The following CFAP54 variants were observed in gnomAD, a reference collection of about 807,000 sequenced individuals.
CFAP54 encodes cilia- and flagella-associated protein 54.
A neutral mutation model predicts 370.4 loss-of-function variants in CFAP54; 290 were observed. The observed-to-expected ratio is 0.78, with a 90% CI of 0.71 to 0.86. The LOEUF (loss-of-function observed/expected upper bound fraction) is 0.86, where lower values mean the gene tolerates loss of function less well. Among genes scored for constraint, CFAP54 ranks in the 40% least tolerant of loss-of-function variants. CFAP54 has a pLI of 0.00. For synonymous variants in CFAP54, 1,206 were observed against 1,236.5 expected (o/e 0.98, Z 0.52); for missense variants, 3,399 against 3,528.7 (o/e 0.96, Z 0.93).
chr12:96,555,570 T>C (rs1012594762), intron 17 of CFAP54, among the ~76,000 whole-genome samples: 2 of 148,456 alleles, frequency 1.3e-5, no homozygotes, highest in Admixed American at 1.3e-4. Flanking sequence ...ATACATAATA[T>C]ATAATATGTA....
chr12:96,739,842 G>C, intron 50 of CFAP54, 114 bp from the exon 51 acceptor site: 2 of 615,340 alleles, frequency 3.3e-6, no homozygotes, highest in South Asian at 2.1e-5. Context: ...TAACAGTTTT[G>C]GGGGTTGTTG....
intron 1 of CFAP54, among the ~76,000 whole-genome samples, chr12:96,492,840 A>G (rs567783569): frequency 5.1e-4 from 78 of 152,254 alleles, no homozygotes; most frequent in Non-Finnish European, 1.1e-3. Flanking sequence ...TAAAAAATAC[A>G]AAAATTAGCC....
intron 63 of CFAP54, among the ~76,000 whole-genome samples, chr12:96,806,213 T>TATATATA (rs1392329026): frequency 8.0e-5 from 4 of 49,694 alleles, no homozygotes; most frequent in Non-Finnish European, 1.1e-4. Flanking sequence ...TATATATATA[T>TATATATA]AATAACAACA....
intron 59 of CFAP54, among the ~76,000 whole-genome samples, chr12:96,764,798 T>G (rs1958381866): frequency 6.6e-6 from 1 of 152,346 alleles, no homozygotes; most frequent in Middle Eastern, 3.4e-3. Context: ...TGTGTACATA[T>G]TTGACATTTT....
At chr12:96,670,154 T>G (rs1201352153) in intron 39 of CFAP54, among the ~76,000 whole-genome samples, 1 of 151,086 alleles carries the variant, frequency 6.6e-6, no homozygotes, top group Non-Finnish European at 1.5e-5. Context: ...CTTCTAGGAG[T>G]GTATACAGAG....
chr12:96,792,785 G>A (rs1171539716), intron 63 of CFAP54, among the ~76,000 whole-genome samples: 1 of 151,886 alleles, frequency 6.6e-6, no homozygotes, highest in African/African-American at 2.4e-5. Flanking sequence ...TCTTTATCAT[G>A]TTAAAGAATT....
At chr12:96,513,128 G>A (rs1955191399) in intron 5 of CFAP54, 84 bp downstream of exon 5, 2 of 525,006 alleles carry the variant, frequency 3.8e-6, no homozygotes, top group Non-Finnish European at 6.0e-6. Context: ...TATATTGAAT[G>A]TTAAACAAGG....
intron 23 of CFAP54, among the ~76,000 whole-genome samples, chr12:96,591,424 G>A: frequency 6.6e-6 from 1 of 152,130 alleles, no homozygotes; most frequent in Non-Finnish European, 1.5e-5. Context: ...AGGAGAGCAG[G>A]CAGAAGCTTA....
At chr12:96,592,219 C>G (rs2136435214) in intron 23 of CFAP54, among the ~76,000 whole-genome samples, 1 of 152,266 alleles carries the variant, frequency 6.6e-6, no homozygotes, top group East Asian at 1.9e-4. Flanking sequence ...TTCTGAAAAT[C>G]TATAGTGATT....
At chr12:96,566,860 T>G (rs11108584) in intron 19 of CFAP54, among the ~76,000 whole-genome samples, 15,234 of 152,200 alleles carry the variant, frequency 0.1, 1,243 homozygotes, top group East Asian at 0.45. Context: ...GAATCTTTTA[T>G]TTATTCAACA....
intron 65 of CFAP54, among the ~76,000 whole-genome samples, chr12:96,824,995 T>C (rs1242500786): frequency 6.6e-6 from 1 of 151,666 alleles, no homozygotes; most frequent in Non-Finnish European, 1.5e-5. Flanking sequence ...AAATTCCTTG[T>C]GTTCCTTGAA....
At chr12:96,619,998 ATAAG>A (rs1565917060) in intron 26 of CFAP54, among the ~76,000 whole-genome samples, 1 of 152,202 alleles carries the variant, frequency 6.6e-6, no homozygotes, top group Non-Finnish European at 1.5e-5. Context: ...AAAATATAAA[ATAAG>A]TAAACAAATA....
At chr12:96,535,429 TAGCA>T in intron 11 of CFAP54, 82 bp from the exon 12 acceptor site, 1 of 783,480 alleles carries the variant, frequency 1.3e-6, no homozygotes, top group Admixed American at 2.4e-5. Context: ...GTCATTTTTT[TAGCA>T]TATTTGTGTT....
chr12:96,652,602 CA>C (rs2136505288), intron 36 of CFAP54, among the ~76,000 whole-genome samples: 1 of 152,144 alleles, frequency 6.6e-6, no homozygotes, highest in South Asian at 2.1e-4. Context: ...AAACATGGGA[CA>C]AAGAGAAAAC....
intron 3 of CFAP54, among the ~76,000 whole-genome samples, chr12:96,505,457 C>T (rs1955089058): frequency 6.6e-6 from 1 of 151,404 alleles, no homozygotes; most frequent in Non-Finnish European, 1.5e-5. Flanking sequence ...ACATGGAATG[C>T]TCTCTCTCTT....
At chr12:96,689,401 T>TCCAC (rs1957365205) in intron 43 of CFAP54, among the ~76,000 whole-genome samples, 10 of 152,206 alleles carry the variant, frequency 6.6e-5, no homozygotes, top group Admixed American at 6.5e-4. Flanking sequence ...CCTCAGGTGA[T>TCCAC]CCACCCGTCT....
At chr12:96,825,825 A>C (rs1215959191) in intron 65 of CFAP54, among the ~76,000 whole-genome samples, 2 of 132,976 alleles carry the variant, frequency 1.5e-5, no homozygotes, top group African/African-American at 5.7e-5. Context: ...TAAATATATA[A>C]ATTAGTATAT....
chr12:96,502,419 A>G (rs1378541233), intron 2 of CFAP54, among the ~76,000 whole-genome samples: 1 of 147,750 alleles, frequency 6.8e-6, no homozygotes, highest in East Asian at 2.0e-4. Flanking sequence ...AAAAAAAAAA[A>G]GGTATTTATA....
chr12:96,526,068 G>GA (rs1351541513), intron 8 of CFAP54, among the ~76,000 whole-genome samples: 13 of 152,214 alleles, frequency 8.5e-5, no homozygotes, highest in African/African-American at 2.9e-4. Flanking sequence ...GTGCTTGCGG[G>GA]AAAGTAGTTC....
Sources: allele counts gnomAD v4.1 joint callset (sites outside exome capture counted in the v4.1 genomes callset), GRCh38; gene constraint gnomAD v4.1.1; transcripts MANE v1.5; gene names NCBI Gene and HGNC (gene_info 2026-07-23, HGNC 2026-07-21).